Variants in COL5A2 observed in about 807,000 individuals in gnomAD.
COL5A2 encodes collagen alpha-2(V) chain.
Under a neutral mutation model 208.2 loss-of-function variants are expected in COL5A2, and 23 were observed. The observed-to-expected ratio is 0.11, with a 90% CI of 0.08 to 0.16. The LOEUF (loss-of-function observed/expected upper bound fraction) is 0.16, where lower values mean the gene tolerates loss of function less well. Among genes scored for constraint, COL5A2 ranks in the 10% least tolerant of loss-of-function variants. The probability of loss-of-function intolerance (pLI) is 1.00; values close to 1 mark genes in which losing one functional copy is unlikely to be tolerated. For missense variants in COL5A2, 1,590 were observed against 1,956.4 expected (o/e 0.81, Z 3.53); for synonymous variants, 625 against 628.5 (o/e 0.99, Z 0.08).
chr2:189,079,081 C>G lies in COL5A2; in HGVS notation c.987G>C (p.Met329Ile). Residue 329 changes from methionine (M) to isoleucine (I), a missense_variant, in exon 15 of 54, where the codon ATG (methionine) becomes ATC (isoleucine). By Grantham distance (10) the Met-to-Ile change is conservative. Transcript: ENST00000374866. ...SKGEAGPTGP[M>I]GAMGPLGPRG... is the part of the protein sequence containing the mutation. ...CACATACCAGAGGACCCATGGCACC[C>G]ATTGGACCAGTGGGGCCAGCTTCAC... 6.2e-7 allele frequency: 1 copy of G among 1,612,928 alleles called. No homozygotes were observed. Among genetic ancestry groups the G allele is most frequent in the Non-Finnish European group, 8.5e-7 (1 of 1,179,204 alleles).
chr2:189,324,154 C>T, the COL5A2 span, among the ~76,000 whole-genome samples: 1 of 152,166 alleles, frequency 6.6e-6, no homozygotes, highest in Non-Finnish European at 1.5e-5. Flanking sequence ...TTCCTTACAC[C>T]TTATACAAAA....
the COL5A2 span, among the ~76,000 whole-genome samples, chr2:189,264,689 T>C: frequency 7.5e-4 from 114 of 152,238 alleles, 1 homozygote; most frequent in African/African-American, 2.7e-3. Flanking sequence ...ATATGAATCC[T>C]TGGACTCATA....
chr2:189,034,740 T>C (rs1685408069), intron 53 of COL5A2, among the ~76,000 whole-genome samples, 176 bp downstream of exon 53: 2 of 152,190 alleles, frequency 1.3e-5, no homozygotes, highest in South Asian at 4.1e-4. Context: ...TTCAAACCTC[T>C]ATCATGCTTC....
chr2:189,038,815 G>A (rs1358333296), intron 51 of COL5A2, among the ~76,000 whole-genome samples: 1 of 151,904 alleles, frequency 6.6e-6, no homozygotes, highest in Non-Finnish European at 1.5e-5. Context: ...TCAGCCTCCC[G>A]AGTAGCTGGA....
At chr2:189,068,510 T>C (rs1009853175) in intron 19 of COL5A2, among the ~76,000 whole-genome samples, 1 of 152,084 alleles carries the variant, frequency 6.6e-6, no homozygotes, top group African/African-American at 2.4e-5. Flanking sequence ...CATTCAGAAT[T>C]CAGAGAATAT....
At position 189,058,676 on chromosome 2, in the gene COL5A2, TTGAAGTAAGGA is replaced by T. The variant is rs1685954332; in HGVS notation, c.2131-160_2131-150del. 3.2e-6 allele frequency: 3 copies of T among 941,648 alleles called. No individual in the cohort carries two copies. The Admixed American group carries it at 6.5e-5, about 20-fold the overall frequency. 58.3% of individuals were successfully genotyped at this position (941,648 alleles called of 1,614,324 possible). ...TCTAATTTAGTGATAAGAAATAAAT[TTGAAGTAAGGA>T]TATGCTAGTTTCATAGCACAAAATA... On this transcript the variant is annotated intron_variant, in intron 32 of 53. Transcript: ENST00000374866.
At chr2:189,197,481 C>T (rs1689019523) in intron 1 of COL5A2, among the ~76,000 whole-genome samples, 1 of 151,728 alleles carries the variant, frequency 6.6e-6, no homozygotes. Context: ...AAAAAATTAT[C>T]AATAAGGGAA....
intron 1 of COL5A2, among the ~76,000 whole-genome samples, chr2:189,126,734 GC>G (rs746090201): frequency 6.1e-4 from 93 of 152,232 alleles, no homozygotes; most frequent in Middle Eastern, 3.4e-3. Context: ...AGTCCAGTGT[GC>G]CATGTAGGGG....
At chr2:189,303,602 A>T in the COL5A2 span, among the ~76,000 whole-genome samples, 1 of 152,200 alleles carries the variant, frequency 6.6e-6, no homozygotes, top group Admixed American at 6.5e-5. Flanking sequence ...CTTGTAGATG[A>T]ACTGTAACCT....
At chr2:189,043,792 C>CT (rs1368692611) in intron 47 of COL5A2, among the ~76,000 whole-genome samples, 2 of 152,178 alleles carry the variant, frequency 1.3e-5, no homozygotes, top group African/African-American at 4.8e-5. Context: ...GAAATATCAT[C>CT]TTTAAGCCAC....
At chr2:189,271,515 G>A in the COL5A2 span, among the ~76,000 whole-genome samples, 1 of 152,152 alleles carries the variant, frequency 6.6e-6, no homozygotes, top group African/African-American at 2.4e-5. Flanking sequence ...ACTCAAGATA[G>A]ATTAAAGACT....
At chr2:189,102,187 A>G (rs1687059116) in intron 3 of COL5A2, among the ~76,000 whole-genome samples, 1 of 152,066 alleles carries the variant, frequency 6.6e-6, no homozygotes, top group Non-Finnish European at 1.5e-5. Flanking sequence ...TCAGAATGAG[A>G]AAAATGGAAC....
chr2:189,088,479 T>C (rs1024474448), intron 8 of COL5A2, among the ~76,000 whole-genome samples: 1 of 152,220 alleles, frequency 6.6e-6, no homozygotes, highest in Non-Finnish European at 1.5e-5. Flanking sequence ...TAGACCTTTA[T>C]TAATGTCAGC....
chr2:189,136,730 TAC>T, intron 1 of COL5A2, among the ~76,000 whole-genome samples: 1 of 151,960 alleles, frequency 6.6e-6, no homozygotes, highest in Admixed American at 6.6e-5. Flanking sequence ...TATTTTATCT[TAC>T]ATTTATTTTT....
the COL5A2 span, among the ~76,000 whole-genome samples, chr2:189,339,914 T>A: frequency 6.6e-6 from 1 of 152,216 alleles, no homozygotes; most frequent in Non-Finnish European, 1.5e-5. Context: ...AGAGGATCAA[T>A]GTCCATGTTT....
chr2:189,157,476 T>A (rs2105797256), intron 1 of COL5A2, among the ~76,000 whole-genome samples: 1 of 152,058 alleles, frequency 6.6e-6, no homozygotes, highest in Non-Finnish European at 1.5e-5. Context: ...TCATCATATA[T>A]CTTCAACAAT....
intron 7 of COL5A2, among the ~76,000 whole-genome samples, chr2:189,091,484 A>G (rs577623359): frequency 6.6e-6 from 1 of 152,348 alleles, no homozygotes; most frequent in East Asian, 1.9e-4. Context: ...TCAGCATCAA[A>G]GCAAAACACC....
chr2:189,437,891 T>C, the COL5A2 span, among the ~76,000 whole-genome samples: 8 of 152,266 alleles, frequency 5.3e-5, no homozygotes, highest in South Asian at 1.7e-3. Flanking sequence ...ATGGTGTTTA[T>C]ATCTGTTGAA....
chr2:189,049,719 C>A (rs911935250), intron 43 of COL5A2, among the ~76,000 whole-genome samples: 1 of 152,184 alleles, frequency 6.6e-6, no homozygotes, highest in Non-Finnish European at 1.5e-5. Flanking sequence ...ATCATGTGTA[C>A]CATAGGTGAT....
Sources: gnomAD v4.1 joint callset for allele counts (sites outside exome capture counted in the v4.1 genomes callset) on GRCh38, gnomAD v4.1.1 for gene constraint, MANE v1.5 for transcripts, NCBI Gene and HGNC (gene_info 2026-07-23, HGNC 2026-07-21) for gene names.